Variants in ANKRD30BL observed in about 807,000 individuals in gnomAD.
ANKRD30BL encodes putative ankyrin repeat domain-containing protein 30B-like.
Under a neutral mutation model 18.4 loss-of-function variants are expected in ANKRD30BL, and 20 were observed. That is an observed-to-expected ratio of 1.09 (90% confidence interval 0.77 to 1.58). The LOEUF is 1.58. ANKRD30BL is among the 40% of genes most tolerant of loss of function. The pLI, the probability that ANKRD30BL is intolerant of heterozygous loss-of-function variation, is 0.00. For synonymous variants in ANKRD30BL, 72 were observed against 100.9 expected, an observed-to-expected ratio of 0.71 and a Z score of 1.72; for missense variants, 224 against 268.6, an observed-to-expected ratio of 0.83 and a Z score of 1.16.
chr2:132,161,286 T>G (rs2104932016), intron 1 of ANKRD30BL, among the ~76,000 whole-genome samples: 1 of 152,240 alleles, frequency 6.6e-6, no homozygotes, highest in South Asian at 2.1e-4. Flanking sequence ...CCCTCCGCCC[T>G]GCAGGGCGCC....
chr2:132,234,986 C>A (rs1432504717), intron 1 of ANKRD30BL, among the ~76,000 whole-genome samples: 1 of 152,254 alleles, frequency 6.6e-6, no homozygotes, highest in East Asian at 1.9e-4. Context: ...AGCTTATCCA[C>A]CATGATCAAG....
intron 1 of ANKRD30BL, among the ~76,000 whole-genome samples, chr2:132,219,033 TCA>T (rs1411967167): frequency 6.6e-6 from 1 of 152,138 alleles, no homozygotes; most frequent in African/African-American, 2.4e-5. Flanking sequence ...TGCATTCAAC[TCA>T]CAGAGTTGAA....
At chr2:132,220,489 G>A (rs1055473719) in intron 1 of ANKRD30BL, among the ~76,000 whole-genome samples, 6 of 151,964 alleles carry the variant, frequency 3.9e-5, no homozygotes, top group Non-Finnish European at 5.9e-5. Context: ...TCAGCCTGCC[G>A]AGTGCCTGTG....
At chr2:132,231,760 G>A (rs1680023055) in intron 1 of ANKRD30BL, among the ~76,000 whole-genome samples, 1 of 152,212 alleles carries the variant, frequency 6.6e-6, no homozygotes. Context: ...CGAGGCTGGG[G>A]GAGGGGCACC....
At chr2:132,229,609 A>C (rs1679950046) in intron 1 of ANKRD30BL, among the ~76,000 whole-genome samples, 1 of 152,118 alleles carries the variant, frequency 6.6e-6, no homozygotes, top group African/African-American at 2.4e-5. Flanking sequence ...CTTCGTTGGA[A>C]ACGGGAATAT....
intron 1 of ANKRD30BL, among the ~76,000 whole-genome samples, chr2:132,223,058 T>G: frequency 6.6e-6 from 1 of 152,084 alleles, no homozygotes; most frequent in East Asian, 1.9e-4. Flanking sequence ...TAGTAGAAAC[T>G]GTAAGTGGAT....
At chr2:132,218,108 C>T (rs368236531) in intron 1 of ANKRD30BL, among the ~76,000 whole-genome samples, 11 of 151,730 alleles carry the variant, frequency 7.2e-5, no homozygotes, top group South Asian at 2.1e-4. Flanking sequence ...TCATTGGAAA[C>T]GGGTATATCT....
intron 1 of ANKRD30BL, among the ~76,000 whole-genome samples, chr2:132,210,130 C>A (rs1029018681): frequency 6.6e-6 from 1 of 151,666 alleles, no homozygotes; most frequent in Admixed American, 6.6e-5. Context: ...TTTGGAAAAT[C>A]TCTTTTTGTA....
chr2:132,221,799 G>T (rs1403730604), intron 1 of ANKRD30BL, among the ~76,000 whole-genome samples: 2 of 92,878 alleles, frequency 2.2e-5, no homozygotes, highest in African/African-American at 5.5e-5. Flanking sequence ...CCGGCCAGCC[G>T]CCCCGTCCGG....
chr2:132,188,466 C>T (rs1678759988), intron 1 of ANKRD30BL, among the ~76,000 whole-genome samples: 1 of 152,192 alleles, frequency 6.6e-6, no homozygotes, highest in Admixed American at 6.5e-5. Context: ...CCTATAATCC[C>T]AGCACTTTGG....
intron 1 of ANKRD30BL, among the ~76,000 whole-genome samples, chr2:132,216,152 A>G (rs10167340): frequency 0.11 from 17,008 of 151,696 alleles, 3,163 homozygotes; most frequent in African/African-American, 0.39. Context: ...TATTTGGAGC[A>G]CTTTGTGGCA....
chr2:132,189,896 AAATT>A (rs1480349737), intron 1 of ANKRD30BL, among the ~76,000 whole-genome samples: 1 of 145,512 alleles, frequency 6.9e-6, no homozygotes, highest in East Asian at 1.9e-4. Flanking sequence ...AAAAAAAAAT[AAATT>A]AATTGTATTA....
intron 1 of ANKRD30BL, among the ~76,000 whole-genome samples, chr2:132,238,307 T>A (rs1249832282): frequency 6.6e-6 from 1 of 151,882 alleles, no homozygotes; most frequent in African/African-American, 2.4e-5. Flanking sequence ...TGTCTTCACA[T>A]AAAATTGACA....
intron 1 of ANKRD30BL, among the ~76,000 whole-genome samples, chr2:132,205,770 G>T (rs1358842902): frequency 6.6e-6 from 1 of 151,394 alleles, no homozygotes; most frequent in Non-Finnish European, 1.5e-5. Context: ...CAATTAGGAA[G>T]CTCCCATAAA....
intron 1 of ANKRD30BL, among the ~76,000 whole-genome samples, chr2:132,174,799 T>C (rs916982335): frequency 5.9e-5 from 9 of 152,244 alleles, no homozygotes; most frequent in Non-Finnish European, 4.4e-5. Context: ...GTTCTCTAGA[T>C]GTTTAAAATA....
chr2:132,203,101 C>A (rs1364195035), intron 1 of ANKRD30BL, among the ~76,000 whole-genome samples: 1 of 152,270 alleles, frequency 6.6e-6, no homozygotes, highest in Non-Finnish European at 1.5e-5. Flanking sequence ...CAACCACAAA[C>A]CACCCACCCC....
intron 1 of ANKRD30BL, among the ~76,000 whole-genome samples, chr2:132,252,642 G>A (rs1337285508): frequency 6.6e-6 from 1 of 152,130 alleles, no homozygotes; most frequent in African/African-American, 2.4e-5. Flanking sequence ...GCCGCCTCCA[G>A]GGGTGGACGG....
At chr2:132,200,053 G>T (rs1440139419) in intron 1 of ANKRD30BL, among the ~76,000 whole-genome samples, 1 of 152,098 alleles carries the variant, frequency 6.6e-6, no homozygotes, top group East Asian at 1.9e-4. Flanking sequence ...CAGAACCAAA[G>T]ACAAAAACCA....
intron 1 of ANKRD30BL, among the ~76,000 whole-genome samples, chr2:132,175,907 A>G (rs1176834082): frequency 4.6e-5 from 7 of 152,056 alleles, no homozygotes; most frequent in Non-Finnish European, 7.4e-5. Flanking sequence ...GGGCAAAGTG[A>G]TTGGGGCAAA....
Sources: gnomAD v4.1 joint callset for allele counts (sites outside exome capture counted in the v4.1 genomes callset) on GRCh38, gnomAD v4.1.1 for gene constraint, MANE v1.5 for transcripts, NCBI Gene and HGNC (gene_info 2026-07-23, HGNC 2026-07-21) for gene names.